CPNE9: variants seen among roughly 807,000 people sequenced by gnomAD.
CPNE9 encodes copine family member 9, also known as copine-9.
A neutral mutation model predicts 83.0 loss-of-function variants in CPNE9; 59 were observed. The observed-to-expected ratio is 0.71, with a 90% CI of 0.58 to 0.88. The LOEUF is 0.88. CPNE9 is among the 40% of genes least tolerant of loss of function. CPNE9 has a pLI of 0.00. For missense variants in CPNE9, 619 were observed against 720.8 expected (o/e 0.86, Z 1.62); for synonymous variants, 256 against 273.4 (o/e 0.94, Z 0.63).
In CPNE9 at chr3:9,718,072, C is replaced by A; in HGVS notation, c.975C>A (p.Tyr325Ter). 6.2e-7 allele frequency: 1 copy of A among 1,614,046 alleles called. No homozygotes were observed. The highest frequency in any genetic ancestry group is 8.5e-7 in the Non-Finnish European group (1 of 1,179,938). ...CCTCCCTGCACTACATGAGTCCCTA[C>A]CAGCTCAGCGCCTATGCCATGGCCC... ...QPTSLHYMSP[Y>*]QLSAYAMALK... The change falls in exon 16 of 21, where the codon TAC becomes TAA. Residue 325 changes from tyrosine to a stop codon, truncating the protein, a stop_gained. Coordinates refer to ENST00000383832, the MANE Select transcript of CPNE9 (RefSeq NM_153635.3). LOFTEE classifies it high-confidence loss of function.
chr3:9,704,574 T>C lies in CPNE9; in HGVS notation c.69-13T>C. ...AGGATGATCCACTCTGTCTGTCTGTTGCTTTTCTCTAGGAACCTGCTAGAC... is the reference window on the plus strand; with the variant it reads ...AGGATGATCCACTCTGTCTGTCTGTCGCTTTTCTCTAGGAACCTGCTAGAC... On this transcript the variant is annotated splice_polypyrimidine_tract_variant and intron_variant, in intron 1 of 20. Coordinates refer to ENST00000383832, the MANE Select transcript of CPNE9 (RefSeq NM_153635.3). The surrounding 1 kb of genome is among the most constrained non-coding windows in gnomAD (Gnocchi z 7.1). The C allele has an allele frequency of 6.2e-7, 1 of 1,612,336 alleles. No individual in the cohort carries two copies. Among genetic ancestry groups the C allele is most frequent in the Non-Finnish European group, 8.5e-7 (1 of 1,178,318 alleles).
intron 7 of CPNE9, among the ~76,000 whole-genome samples, chr3:9,709,590 G>A (rs1386955044): frequency 1.3e-5 from 2 of 151,404 alleles, no homozygotes; most frequent in African/African-American, 4.8e-5. Context: ...GGCTGGTCTT[G>A]AACGCCTTAC....
In CPNE9 at chr3:9,712,713, A is replaced by C; in HGVS notation, c.442-12A>C. 3.1e-6 allele frequency: 5 copies of C among 1,613,498 alleles called. No homozygotes were observed. The highest frequency in any genetic ancestry group is 4.2e-6 in the Non-Finnish European group (5 of 1,179,428). On this transcript the variant is annotated splice_polypyrimidine_tract_variant and intron_variant, in intron 8 of 20. Transcript: ENST00000383832. Reference sequence around the variant, plus strand: ...ATTGGGGTGCCACCAGCCCAACTTCATCCATCCCTAGGACATTGCCACCAT... The same window carrying C: ...ATTGGGGTGCCACCAGCCCAACTTCCTCCATCCCTAGGACATTGCCACCAT...
intron 10 of CPNE9, among the ~76,000 whole-genome samples, chr3:9,714,202 T>C (rs2076656599): frequency 6.6e-6 from 1 of 152,186 alleles, no homozygotes; most frequent in Admixed American, 6.5e-5. Flanking sequence ...AGATGTTATA[T>C]AGTTGGTAGA....
At chr3:9,708,975 G>A (rs1344089440) in intron 7 of CPNE9, among the ~76,000 whole-genome samples, 1 of 149,884 alleles carries the variant, frequency 6.7e-6, no homozygotes, top group African/African-American at 2.4e-5. Context: ...GCAAAGGGGA[G>A]AAAAGAAAAG....
chr3:9,717,230 AACC>A, intron 15 of CPNE9, 126 bp downstream of exon 15: 2 of 928,528 alleles, frequency 2.2e-6, no homozygotes, highest in South Asian at 2.8e-5. Context: ...ACTTAGGCAA[AACC>A]CAGCCAGGAA....
chr3:9,711,387 T>G (rs1295387874), intron 7 of CPNE9, among the ~76,000 whole-genome samples: 1 of 151,954 alleles, frequency 6.6e-6, no homozygotes, highest in African/African-American at 2.4e-5. Flanking sequence ...TTTTTTTTTT[T>G]TGCAGTTTTA....
At chr3:9,720,212 A>G (rs1246423647) in intron 17 of CPNE9, among the ~76,000 whole-genome samples, 2 of 152,120 alleles carry the variant, frequency 1.3e-5, no homozygotes, top group Non-Finnish European at 1.5e-5. Context: ...TGAACAAAAA[A>G]TAAGCAAACC....
At chr3:9,705,436 C>CCCCCCCCCCCCCGG in intron 4 of CPNE9, 28 bp from the exon 5 acceptor site, 1 of 1,465,956 alleles carries the variant, frequency 6.8e-7, no homozygotes, top group Non-Finnish European at 9.3e-7. Flanking sequence ...CCCAGCCCCA[C>CCCCCCCCCCCCCGG]CCCACACCGG....
intron 4 of CPNE9, 27 bp from the exon 5 acceptor site, chr3:9,705,437 C>A: frequency 6.8e-7 from 1 of 1,481,246 alleles, no homozygotes; most frequent in Non-Finnish European, 9.2e-7. Flanking sequence ...CCAGCCCCAC[C>A]CCACACCGGT....
chr3:9,706,323 A>C (rs1425544650), intron 7 of CPNE9, among the ~76,000 whole-genome samples: 1 of 148,746 alleles, frequency 6.7e-6, no homozygotes, highest in Non-Finnish European at 1.5e-5. Context: ...TCTTTTTCTA[A>C]GTCTGATTCA....
rs762499059 is a variant in CPNE9 at position 9,705,989 on chromosome 3, T to C, written c.303T>C (p.Asp101=). 1.2e-6 allele frequency: 2 copies of C among 1,613,272 alleles called. No homozygotes were observed. Among genetic ancestry groups the C allele is most frequent in the African/African-American group, 1.3e-5 (1 of 74,908 alleles). ...DSKTNISKPK[D]FLGQAFLALG... ...TGCTGACTCCTTGTCCTGCATAGGA[T>C]TTCCTGGGACAAGCGTTCCTGGCCC... The change falls in exon 7 of 21, where the codon GAT becomes GAC. Residue 101 remains aspartate (D), a splice_region_variant and synonymous_variant. Coordinates refer to ENST00000383832, the MANE Select transcript of CPNE9 (RefSeq NM_153635.3).
chr3:9,715,021 A>G (rs908113585), intron 11 of CPNE9, 66 bp downstream of exon 11: 4 of 1,453,040 alleles, frequency 2.8e-6, no homozygotes, highest in Non-Finnish European at 2.9e-6. Context: ...AATATGTTGT[A>G]CATTCACTGA....
At chr3:9,729,386 G>A in intron 20 of CPNE9, 121 bp from the exon 21 acceptor site, 5 of 1,366,308 alleles carry the variant, frequency 3.7e-6, no homozygotes, top group Non-Finnish European at 3.9e-6. Context: ...AAGATGTGGA[G>A]AGGGAGATAC....
chr3:9,704,818 G>C lies in CPNE9; in HGVS notation c.156+23G>C, dbSNP rs199691130. ...GAGGTGAGTCCCAGAGCCCCCTCCC[G>C]GCCCAGGGCGTCGCCCGGGAATTCC... On this transcript the variant is annotated intron_variant, in intron 3 of 20. Transcript: ENST00000383832. This position sits in a 1 kb window ranked among gnomAD's most constrained non-coding sequence, Gnocchi z 7.1. 6.3e-7 allele frequency: 1 copy of C among 1,597,542 alleles called. No individual in the cohort carries two copies. The highest frequency in any genetic ancestry group is 1.7e-5 in the Admixed American group (1 of 57,974).
At chr3:9,721,398 T>C (rs2076732563) in intron 17 of CPNE9, among the ~76,000 whole-genome samples, 1 of 152,240 alleles carries the variant, frequency 6.6e-6, no homozygotes, top group South Asian at 2.1e-4. Flanking sequence ...TCACATTGCA[T>C]CCCTGTTTAA....
chr3:9,728,758 C>A (rs1178475815), intron 20 of CPNE9, among the ~76,000 whole-genome samples: 2 of 151,746 alleles, frequency 1.3e-5, no homozygotes, highest in East Asian at 3.8e-4. Context: ...CCCTCTCCCC[C>A]CACATCTCAT....
At chr3:9,722,658 G>A (rs886673991) in intron 17 of CPNE9, among the ~76,000 whole-genome samples, 4 of 151,994 alleles carry the variant, frequency 2.6e-5, no homozygotes, top group Non-Finnish European at 5.9e-5. Flanking sequence ...AAGACCACAG[G>A]TGCATGTCAC....
At chr3:9,727,266 G>T in intron 20 of CPNE9, 80 bp downstream of exon 20, 1 of 1,418,234 alleles carries the variant, frequency 7.1e-7, no homozygotes, top group Non-Finnish European at 1.0e-6. Context: ...TTCACTTACT[G>T]CCTTCTCAGT....
Sources: gnomAD v4.1 joint callset for allele counts (sites outside exome capture counted in the v4.1 genomes callset) on GRCh38, gnomAD v4.1.1 for gene constraint, Gnocchi (gnomAD v3.1) non-coding constraint, MANE v1.5 for transcripts, NCBI Gene and HGNC (gene_info 2026-07-23, HGNC 2026-07-21) for gene names.